Variants in IQUB observed in about 807,000 individuals in gnomAD.
IQUB encodes the protein IQ motif and ubiquitin-like domain-containing protein.
Under a neutral mutation model 86.4 loss-of-function variants are expected in IQUB, and 86 were observed. That is an observed-to-expected ratio of 1.00 (90% CI 0.84 to 1.19). IQUB has a LOEUF of 1.19. Among genes scored for constraint, IQUB ranks in the 50% most tolerant of loss-of-function variants. IQUB has a pLI of 0.00. For synonymous variants in IQUB, 289 were observed against 304.5 expected (o/e 0.95, Z 0.53); for missense variants, 946 against 916.9 (o/e 1.03, Z -0.41).
At chr7:123,476,254 GGCTAGA>G (rs1257482167) in intron 8 of IQUB, among the ~76,000 whole-genome samples, 1 of 152,202 alleles carries the variant, frequency 6.6e-6, no homozygotes, top group Non-Finnish European at 1.5e-5. Context: ...ATATACTACA[GGCTAGA>G]GTAGGTGGAC....
chr7:123,498,867 C>T (rs1795820008), intron 6 of IQUB, among the ~76,000 whole-genome samples: 1 of 152,162 alleles, frequency 6.6e-6, no homozygotes, highest in Non-Finnish European at 1.5e-5. Context: ...ATCAGTGGAA[C>T]AGCCACATGC....
chr7:123,479,085 A>C (rs1794881377), intron 8 of IQUB, among the ~76,000 whole-genome samples: 2 of 152,146 alleles, frequency 1.3e-5, no homozygotes, highest in Non-Finnish European at 2.9e-5. Flanking sequence ...AATGTCCTCA[A>C]ATAATAAGAA....
At chr7:123,469,148 G>C in intron 9 of IQUB, 66 bp downstream of exon 9, 3 of 1,098,290 alleles carry the variant, frequency 2.7e-6, no homozygotes, top group Non-Finnish European at 3.7e-6. Context: ...ACTTGTTTTA[G>C]TATTTCATTA....
chr7:123,521,380 C>T (rs1012868058), intron 1 of IQUB, among the ~76,000 whole-genome samples: 3 of 152,040 alleles, frequency 2.0e-5, no homozygotes, highest in African/African-American at 4.8e-5. Flanking sequence ...CAGTAACTCA[C>T]GCCTGTAATC....
At chr7:123,502,317 C>T in intron 6 of IQUB, 1 of 351,964 alleles carries the variant, frequency 2.8e-6, no homozygotes. Flanking sequence ...GATTTAAGGC[C>T]AAGGGACAGC....
intron 8 of IQUB, among the ~76,000 whole-genome samples, chr7:123,470,557 A>G (rs898386364): frequency 1.3e-5 from 2 of 152,210 alleles, no homozygotes; most frequent in Admixed American, 1.3e-4. Context: ...AACTGTATTT[A>G]GAATGACAGT....
At chr7:123,454,992 G>A (rs1184880298) in intron 12 of IQUB, among the ~76,000 whole-genome samples, 1 of 152,048 alleles carries the variant, frequency 6.6e-6, no homozygotes, top group Non-Finnish European at 1.5e-5. Flanking sequence ...ACATTTAAAG[G>A]GTAGAGAGTT....
At chr7:123,495,859 A>T (rs1416297831) in intron 7 of IQUB, among the ~76,000 whole-genome samples, 3 of 152,170 alleles carry the variant, frequency 2.0e-5, no homozygotes, top group African/African-American at 7.2e-5. Flanking sequence ...TCAAAAAATA[A>T]ATGAATTATT....
At chr7:123,505,190 C>A (rs1030817558) in intron 3 of IQUB, among the ~76,000 whole-genome samples, 1 of 152,192 alleles carries the variant, frequency 6.6e-6, no homozygotes. Flanking sequence ...ACCCCTGTGG[C>A]TCCACAGGGC....
intron 7 of IQUB, among the ~76,000 whole-genome samples, chr7:123,486,119 G>A (rs1352111227): frequency 1.3e-5 from 2 of 152,122 alleles, no homozygotes; most frequent in Non-Finnish European, 2.9e-5. Flanking sequence ...AAGAAACCAC[G>A]AAAGGGTTTT....
rs1253773905 is a variant in IQUB, at chr7:123,461,256, G to A, written c.2007+101C>T. The A allele has an allele frequency of 5.0e-6, 6 of 1,196,514 alleles. No homozygotes were observed. The Admixed American group carries it at 1.3e-4, about 26-fold the overall frequency. The allele number at this position is 1,196,514 out of a possible 1,614,324, so 74.1% of individuals were successfully genotyped here. A position where few individuals can be genotyped will look rare whatever the true frequency, so the allele number is the denominator to read the frequency against. The stretch of plus-strand genomic sequence containing the variant: ...AGCTTACAGTCTAGTGGAATAGAGA[G>A]TCATTAAACAATCACACACACACAC... On this transcript the variant is annotated intron_variant, in intron 11 of 12. Coordinates refer to ENST00000324698, the MANE Select transcript of IQUB (RefSeq NM_178827.5).
At chr7:123,513,415 G>C (rs1312550987) in intron 1 of IQUB, among the ~76,000 whole-genome samples, 1 of 152,110 alleles carries the variant, frequency 6.6e-6, no homozygotes, top group Non-Finnish European at 1.5e-5. Flanking sequence ...CCATGGAAAA[G>C]AAAGCCTAGC....
intron 7 of IQUB, among the ~76,000 whole-genome samples, chr7:123,483,328 C>A (rs535525766): frequency 1.3e-5 from 2 of 152,036 alleles, no homozygotes; most frequent in South Asian, 4.1e-4. Context: ...CACTGGAGGG[C>A]TACATTTACT....
At chr7:123,470,957 C>T (rs1794494442) in intron 8 of IQUB, among the ~76,000 whole-genome samples, 1 of 152,028 alleles carries the variant, frequency 6.6e-6, no homozygotes, top group Non-Finnish European at 1.5e-5. Flanking sequence ...AGCTAAATCA[C>T]ATTGAGAACT....
chr7:123,464,258 T>C (rs1033974544), intron 10 of IQUB, among the ~76,000 whole-genome samples: 1 of 151,866 alleles, frequency 6.6e-6, no homozygotes, highest in Non-Finnish European at 1.5e-5. Flanking sequence ...CACAGAAGCC[T>C]AACGACGCTG....
chr7:123,502,764 C>T lies in IQUB; in HGVS notation c.868-12G>A. 1 of 1,573,154 alleles carries T rather than the reference C, an allele frequency of 6.4e-7. No individual in the cohort carries two copies. The highest frequency in any genetic ancestry group is 8.6e-7 in the Non-Finnish European group (1 of 1,157,050). On this transcript the variant is annotated splice_polypyrimidine_tract_variant and intron_variant, in intron 5 of 12. Transcript: ENST00000324698. Reference sequence around the variant, plus strand: ...TTCTGAAAAACTGTCTAAAAGAAAACATTAAAAATTTAAATCAGTATCCCC... The same window carrying T: ...TTCTGAAAAACTGTCTAAAAGAAAATATTAAAAATTTAAATCAGTATCCCC...
At chr7:123,467,364 C>T (rs1471337668) in intron 9 of IQUB, among the ~76,000 whole-genome samples, 2 of 152,066 alleles carry the variant, frequency 1.3e-5, no homozygotes, top group Non-Finnish European at 1.5e-5. Flanking sequence ...TAGCTCTCCA[C>T]TGAGCTTCTC....
chr7:123,525,038 C>A (rs1373596834), intron 1 of IQUB, among the ~76,000 whole-genome samples: 1 of 152,132 alleles, frequency 6.6e-6, no homozygotes, highest in African/African-American at 2.4e-5. Flanking sequence ...GGCTTGTATC[C>A]CAGGGATGAA....
At chr7:123,525,432 G>A (rs1370704326) in intron 1 of IQUB, among the ~76,000 whole-genome samples, 1 of 152,152 alleles carries the variant, frequency 6.6e-6, no homozygotes, top group Non-Finnish European at 1.5e-5. Flanking sequence ...AGTCTTGGGA[G>A]AGTGTATGTG....
Sources: allele counts gnomAD v4.1 joint callset (sites outside exome capture counted in the v4.1 genomes callset), GRCh38; gene constraint gnomAD v4.1.1; transcripts MANE v1.5; gene names NCBI Gene and HGNC (gene_info 2026-07-23, HGNC 2026-07-21).